The following KCNMB2 variants were observed in gnomAD, a reference collection of about 807,000 sequenced individuals.
The protein encoded by KCNMB2 is potassium calcium-activated channel subfamily M regulatory beta subunit 2.
KCNMB2 carries 9 observed loss-of-function variants against 24.5 expected under a neutral mutation model. That is an observed-to-expected ratio of 0.37 (90% confidence interval 0.22 to 0.64). KCNMB2 has a LOEUF of 0.64. Ranked by LOEUF, KCNMB2 falls within the 30% of genes least tolerant of loss-of-function variation. The pLI is 0.63. For synonymous variants in KCNMB2, 109 were observed against 104.4 expected (o/e 1.04, Z -0.27); for missense variants, 226 against 284.3 (o/e 0.79, Z 1.47).
intron 1 of KCNMB2, among the ~76,000 whole-genome samples, chr3:178,592,425 T>C (rs1429929186): frequency 6.6e-6 from 1 of 151,914 alleles, no homozygotes; most frequent in Non-Finnish European, 1.5e-5. Context: ...TTAATACTTA[T>C]GGTTATCTCA....
chr3:178,758,726 A>C (rs1429218579), intron 1 of KCNMB2, among the ~76,000 whole-genome samples: 12 of 44,770 alleles, frequency 2.7e-4, no homozygotes, highest in East Asian at 1.5e-3. Context: ...ATATATATAT[A>C]TCTCCAAGAG....
intron 1 of KCNMB2, among the ~76,000 whole-genome samples, chr3:178,542,156 G>A (rs1715641679): frequency 6.6e-6 from 1 of 152,162 alleles, no homozygotes; most frequent in African/African-American, 2.4e-5. Flanking sequence ...GAAGTAACTT[G>A]TCTTGCTAAG....
intron 1 of KCNMB2, among the ~76,000 whole-genome samples, chr3:178,722,301 T>C (rs938606074): frequency 1.3e-5 from 2 of 152,130 alleles, no homozygotes; most frequent in Admixed American, 6.5e-5. Context: ...ACTTGATCAG[T>C]TTTGTGTTGC....
At chr3:178,694,546 T>A (rs1177126136) in intron 1 of KCNMB2, among the ~76,000 whole-genome samples, 1 of 152,216 alleles carries the variant, frequency 6.6e-6, no homozygotes, top group Non-Finnish European at 1.5e-5. Flanking sequence ...GTTAGTTACT[T>A]CCTAGATAAA....
chr3:178,731,100 G>A (rs1206725332), intron 1 of KCNMB2, among the ~76,000 whole-genome samples: 1 of 151,604 alleles, frequency 6.6e-6, no homozygotes, highest in African/African-American at 2.4e-5. Context: ...TTTTAACAAA[G>A]GGAAAAGAAA....
At chr3:178,625,667 C>T (rs759170978) in intron 1 of KCNMB2, among the ~76,000 whole-genome samples, 38 of 152,174 alleles carry the variant, frequency 2.5e-4, no homozygotes, top group Non-Finnish European at 4.6e-4. Context: ...AGTTAGACAG[C>T]CCTAAGTTCA....
At chr3:178,824,633 G>C (rs113497839) in intron 2 of KCNMB2, 42,423 of 154,198 alleles carry the variant, frequency 0.28, 7,218 homozygotes, top group African/African-American at 0.49. Context: ...CTCGGCATCC[G>C]AAAGTGCTGG....
intron 1 of KCNMB2, among the ~76,000 whole-genome samples, chr3:178,765,341 G>T (rs1169700798): frequency 6.6e-6 from 1 of 152,100 alleles, no homozygotes; most frequent in African/African-American, 2.4e-5. Flanking sequence ...TAAGATATGG[G>T]GTGAGTGTCT....
At chr3:178,783,535 T>G (rs1005966139) in intron 1 of KCNMB2, among the ~76,000 whole-genome samples, 1 of 149,480 alleles carries the variant, frequency 6.7e-6, no homozygotes, top group African/African-American at 2.5e-5. Flanking sequence ...TTCCTAGGTA[T>G]TTTATTCTCT....
At position 178,602,221 on chromosome 3, in the gene KCNMB2, A is replaced by G. The variant is rs987543592; in HGVS notation, c.-68+65510A>G. Among the ~76,000 whole-genome samples, 5 of 51,490 alleles carry G rather than the reference A, an allele frequency of 9.7e-5. No individual in the cohort carries two copies. In the South Asian group the frequency reaches 2.8e-3, roughly 29 times the overall value. 33.8% of individuals were successfully genotyped at this position (51,490 alleles called of 152,430 possible). On this transcript the variant is annotated intron_variant, in intron 1 of 4. Transcript: ENST00000452583. ...GTAACTATCTCGCCAATCTAGGGTA[A>G]CTAACTATCTCCTATGCCTATAGAG... is the stretch of plus-strand genomic sequence containing the variant.
At chr3:178,804,388 G>C (rs1577201226) in intron 1 of KCNMB2, among the ~76,000 whole-genome samples, 1 of 152,064 alleles carries the variant, frequency 6.6e-6, no homozygotes, top group African/African-American at 2.4e-5. Flanking sequence ...TGCCTTTAAA[G>C]CAGCTACTCC....
chr3:178,708,472 G>A (rs1722350165), intron 1 of KCNMB2, among the ~76,000 whole-genome samples: 1 of 152,136 alleles, frequency 6.6e-6, no homozygotes, highest in Non-Finnish European at 1.5e-5. Context: ...AGGAAACTGA[G>A]GCACTTACAG....
intron 1 of KCNMB2, among the ~76,000 whole-genome samples, chr3:178,651,087 G>A (rs1560148726): frequency 2.0e-5 from 3 of 152,078 alleles, no homozygotes; most frequent in Admixed American, 2.0e-4. Context: ...AGAAACAAAG[G>A]GCATTCAAAT....
intron 1 of KCNMB2, chr3:178,794,998 G>A (rs1462066791): frequency 6.6e-6 from 1 of 152,184 alleles, no homozygotes; most frequent in Non-Finnish European, 1.5e-5. Context: ...AAGTCACTGT[G>A]GGGGATGGAG....
chr3:178,740,684 G>T (rs1723466734), intron 1 of KCNMB2, among the ~76,000 whole-genome samples: 1 of 152,150 alleles, frequency 6.6e-6, no homozygotes, highest in African/African-American at 2.4e-5. Flanking sequence ...CAGAGTTATT[G>T]TTCTCCAAGG....
chr3:178,730,703 T>C (rs1009820829), intron 1 of KCNMB2, among the ~76,000 whole-genome samples: 2 of 152,174 alleles, frequency 1.3e-5, no homozygotes, highest in African/African-American at 4.8e-5. Flanking sequence ...GTCCACTCTG[T>C]TCTAGCCACA....
chr3:178,722,719 C>T (rs965043950), intron 1 of KCNMB2, among the ~76,000 whole-genome samples: 1 of 152,078 alleles, frequency 6.6e-6, no homozygotes, highest in Non-Finnish European at 1.5e-5. Flanking sequence ...ATGGGGAAAC[C>T]TCGTCTCTAC....
chr3:178,794,379 A>G (rs1220811108), intron 1 of KCNMB2, among the ~76,000 whole-genome samples: 1 of 149,892 alleles, frequency 6.7e-6, no homozygotes. Context: ...AGCCTCTCAC[A>G]GTATTCACAA....
intron 1 of KCNMB2, among the ~76,000 whole-genome samples, chr3:178,737,628 A>G (rs1182836051): frequency 2.0e-5 from 3 of 152,230 alleles, no homozygotes. Flanking sequence ...TGAGGAAACA[A>G]AGGTGAATAC....
Sources: gnomAD v4.1 joint callset for allele counts (sites outside exome capture counted in the v4.1 genomes callset) on GRCh38, gnomAD v4.1.1 for gene constraint, MANE v1.5 for transcripts, NCBI Gene and HGNC (gene_info 2026-07-23, HGNC 2026-07-21) for gene names.